Variants in RIPOR1 observed in about 807,000 individuals in gnomAD.
The protein encoded by RIPOR1 is RHO family interacting cell polarization regulator 1, also known as rho family-interacting cell polarization regulator 1.
A neutral mutation model predicts 116.5 loss-of-function variants in RIPOR1; 58 were observed. The observed-to-expected ratio is 0.50, with a 90% CI of 0.40 to 0.62. The LOEUF is 0.62. RIPOR1 is among the 20% of genes least tolerant of loss of function. The pLI, the probability that RIPOR1 is intolerant of heterozygous loss-of-function variation, is 0.00. For synonymous variants in RIPOR1, 605 were observed against 650.0 expected (o/e 0.93, Z 1.05); for missense variants, 1,372 against 1,586.2 (o/e 0.86, Z 2.29).
At position 67,545,703 on chromosome 16, in the gene RIPOR1, T is replaced by A. The variant is rs1312617026; in HGVS notation, c.3230T>A (p.Val1077Asp). Residue 1077 changes from valine (V) to aspartate (D), a missense_variant, in exon 19 of 22, where the codon GTT becomes GAT. By Grantham distance (152) the Val-to-Asp change is radical. Transcript: ENST00000042381. This position sits in a 1 kb window ranked among gnomAD's most constrained non-coding sequence, Gnocchi z 4.8. The stretch of plus-strand genomic sequence containing the variant: ...AATCTGAACTCGGATGATCAGGCTG[T>A]TGTGCTGAAGGCCCTGAGATTGGCG... ...VRNLNSDDQA[V>D]VLKALRLAPE... 1 of 1,587,010 alleles carries A rather than the reference T, an allele frequency of 6.3e-7. No homozygotes were observed. The highest frequency in any genetic ancestry group is 8.6e-7 in the Non-Finnish European group (1 of 1,166,976).
At position 67,546,738 on chromosome 16, in the gene RIPOR1, T is replaced by C. The variant is rs544939124; in HGVS notation, c.*275T>C. 26 of 536,892 alleles carry C rather than the reference T, an allele frequency of 4.8e-5. No individual in the cohort carries two copies. The South Asian group carries it at 5.5e-4, about 11-fold the overall frequency. 33.3% of individuals were successfully genotyped at this position (536,892 alleles called of 1,614,324 possible). A position where few individuals can be genotyped will look rare whatever the true frequency, so the allele number is the denominator to read the frequency against. On this transcript the variant is annotated 3_prime_UTR_variant, in exon 22 of 22. Transcript: ENST00000042381. ...CCAGCCACATCCCTTGGTTTTGTAT[T>C]TTATTTACAGAGTTTTACAGAAAAT...
rs1176547764 is a variant in RIPOR1 at position 67,545,177 on chromosome 16, G to T, written c.3031+60G>T. On this transcript the variant is annotated intron_variant, in intron 17 of 21. Transcript: ENST00000042381. The surrounding 1 kb of genome is among the most constrained non-coding windows in gnomAD (Gnocchi z 4.8). ...AGATTCCCAGTGACAGGAAGCTCGG[G>T]GAAGCCAGGTCAGCCCACACAGATA... The T allele has an allele frequency of 2.5e-6, 4 of 1,593,326 alleles. No homozygotes were observed. Among genetic ancestry groups the T allele is most frequent in the Non-Finnish European group, 3.4e-6 (4 of 1,170,802 alleles).
chr16:67,522,757 G>T (rs1163812545), intron 1 of RIPOR1, among the ~76,000 whole-genome samples: 1 of 151,610 alleles, frequency 6.6e-6, no homozygotes, highest in African/African-American at 2.4e-5. Flanking sequence ...TAGCCCACAT[G>T]GCTCAACTAC....
intron 6 of RIPOR1, 28 bp downstream of exon 6, chr16:67,539,927 G>C (rs574578281): frequency 6.2e-7 from 1 of 1,614,116 alleles, no homozygotes; most frequent in South Asian, 1.1e-5. Flanking sequence ...GTGCAGAGTG[G>C]GGTGGGGGGT....
chr16:67,527,901 A>AAAAC (rs994543796), upstream of RIPOR1, among the ~76,000 whole-genome samples: 12 of 151,644 alleles, frequency 7.9e-5, no homozygotes, highest in Non-Finnish European at 1.6e-4. Context: ...GCAAACAAGC[A>AAAAC]AAACACACAA....
At position 67,545,381 on chromosome 16, in the gene RIPOR1, G is replaced by A; in HGVS notation, c.3037G>A (p.Val1013Met). 1 of 1,613,858 alleles carries A rather than the reference G, an allele frequency of 6.2e-7. No homozygotes were observed. The highest frequency in any genetic ancestry group is 8.5e-7 in the Non-Finnish European group (1 of 1,179,926). Reference sequence around the variant, plus strand: ...CATGCTACTGCCTCCTGCAGTGTGTGTGAAGTTCCTGGAGGATGCCCTGGG... The same window carrying A: ...CATGCTACTGCCTCCTGCAGTGTGTATGAAGTTCCTGGAGGATGCCCTGGG... ...RQPGLAEAVC[V>M]KFLEDALGQK... Residue 1013 changes from valine to methionine, a missense_variant, in exon 18 of 22, where the codon GTG becomes ATG. By Grantham distance (21) the Val-to-Met change is conservative. Around this residue, in one of 3 missense-constraint regions of RIPOR1, gnomAD observed 1,005 missense variants for 1,144.7 expected, o/e 0.88. Coordinates refer to ENST00000042381, the MANE Select transcript of RIPOR1 (RefSeq NM_024519.4). The surrounding 1 kb of genome is among the most constrained non-coding windows in gnomAD (Gnocchi z 4.8).
chr16:67,532,999 G>A (rs1286713918), intron 1 of RIPOR1, among the ~76,000 whole-genome samples: 1 of 152,124 alleles, frequency 6.6e-6, no homozygotes, highest in Non-Finnish European at 1.5e-5. Flanking sequence ...CCTGAATTCT[G>A]GCTATAGGGG....
At chr16:67,524,901 C>T (rs1043329343), upstream of RIPOR1, among the ~76,000 whole-genome samples, 8 of 152,212 alleles carry the variant, frequency 5.3e-5, no homozygotes, top group African/African-American at 1.2e-4. Flanking sequence ...GCCTGAGTGA[C>T]GTTTGCAAAG....
rs770409702 is a variant in RIPOR1 at position 67,544,417 on chromosome 16, A to G, written c.2719A>G (p.Ser907Gly). The change falls in exon 15 of 22, where the codon AGT (serine) becomes GGT (glycine). Residue 907 changes from serine (S) to glycine (G), a missense_variant. Transcript: ENST00000042381. This position sits in a 1 kb window ranked among gnomAD's most constrained non-coding sequence, Gnocchi z 5.1. ...CTTGGTCCGGCACCTGTACCACTGC[A>G]GTCGCCTCCTGCTGGTGAGGCTGAT... ...AALVRHLYHC[S>G]RLLLKLGTFG... 1.2e-6 allele frequency: 2 copies of G among 1,610,750 alleles called. No individual in the cohort carries two copies. Among genetic ancestry groups the G allele is most frequent in the Admixed American group, 1.7e-5 (1 of 59,958 alleles).
Position 67,530,565 on chromosome 16 carries a change from A to C in RIPOR1, c.-24+1651A>C, listed in dbSNP as rs1321360146. On this transcript the variant is annotated intron_variant, in intron 1 of 21. Transcript: ENST00000042381. The surrounding 1 kb of genome is among the most constrained non-coding windows in gnomAD (Gnocchi z 4.5). ...GGCGGCCCCGGGGTGGGGCGGGGCT[A>C]GACCCGGGGACTCCCAGAGAGGCAG... Among the ~76,000 whole-genome samples, 2 of 152,164 alleles carry C rather than the reference A, an allele frequency of 1.3e-5. No individual in the cohort carries two copies. The highest frequency in any genetic ancestry group is 2.9e-5 in the Non-Finnish European group (2 of 68,012).
At chr16:67,527,701 C>A (rs577883539), upstream of RIPOR1, among the ~76,000 whole-genome samples, 1 of 152,168 alleles carries the variant, frequency 6.6e-6, no homozygotes, top group South Asian at 2.1e-4. Flanking sequence ...ATGGTGAAAC[C>A]CCATCTCTAC....
intron 6 of RIPOR1, 64 bp from the exon 7 acceptor site, chr16:67,539,989 T>TAGAGGTGAGTAACCCC (rs1160665923): frequency 6.2e-7 from 1 of 1,613,450 alleles, no homozygotes; most frequent in Non-Finnish European, 8.5e-7. Flanking sequence ...TGAGCAACCT[T>TAGAGGTGAGTAACCCC]AGAGGTGAGT....
chr16:67,539,025 A>C lies in RIPOR1; in HGVS notation c.293A>C (p.Lys98Thr), dbSNP rs752347460. ...GAAGTGCACCAGCAGGAGCAAGAGA[A>C]ACTCCAGGGGCAGATAAGGGAGTCC... ...YLEVHQQEQE[K>T]LQGQIRESKR... The change falls in exon 4 of 22, where the codon AAA becomes ACA. Residue 98 changes from lysine (K) to threonine (T), a missense_variant. Lys to Thr is a moderately conservative substitution (Grantham distance 78, BLOSUM62 -1). Around this residue, in one of 3 missense-constraint regions of RIPOR1, gnomAD observed 165 missense variants for 145.5 expected, o/e 1.13. Coordinates refer to ENST00000042381, the MANE Select transcript of RIPOR1 (RefSeq NM_024519.4). 6.2e-7 allele frequency: 1 copy of C among 1,613,610 alleles called. No homozygotes were observed. Among genetic ancestry groups the C allele is most frequent in the Non-Finnish European group, 8.5e-7 (1 of 1,179,886 alleles).
In RIPOR1 at chr16:67,537,435, G is replaced by A. The variant is rs2050822712; in HGVS notation, c.-23-989G>A. 3 of 1,242,512 alleles carry A rather than the reference G, an allele frequency of 2.4e-6. No individual in the cohort carries two copies. Among genetic ancestry groups the A allele is most frequent in the Non-Finnish European group, 3.0e-6 (3 of 992,586 alleles). The allele number at this position is 1,242,512 out of a possible 1,614,324, so 77.0% of individuals were successfully genotyped here. A position where few individuals can be genotyped will look rare whatever the true frequency, so the allele number is the denominator to read the frequency against. On this transcript the variant is annotated intron_variant, in intron 1 of 21. Coordinates refer to ENST00000042381, the MANE Select transcript of RIPOR1 (RefSeq NM_024519.4). The surrounding 1 kb of genome is among the most constrained non-coding windows in gnomAD (Gnocchi z 4.6). ...CGGGCTGAGTCAGGCGGCAGGAACT[G>A]GGCGGGGGGCGGCGCCGGGAGGAGC...
In RIPOR1 at chr16:67,529,803, C is replaced by G; in HGVS notation, c.-24+889C>G. The G allele has an allele frequency of 5.2e-6, 8 of 1,535,946 alleles. No individual in the cohort carries two copies. The highest frequency in any genetic ancestry group is 7.0e-6 in the Non-Finnish European group (8 of 1,146,892). On this transcript the variant is annotated intron_variant, in intron 1 of 21. Transcript: ENST00000042381. This position sits in a 1 kb window ranked among gnomAD's most constrained non-coding sequence, Gnocchi z 4.1. ...CTGGGCCTGCCGCATTCGGCCAACGCACAGCATCTGAGGAGGGTTATGACC... is the reference window on the plus strand; with the variant it reads ...CTGGGCCTGCCGCATTCGGCCAACGGACAGCATCTGAGGAGGGTTATGACC...
chr16:67,530,542 C>CG lies in RIPOR1; in HGVS notation c.-24+1630dup, dbSNP rs2142427545. On this transcript the variant is annotated intron_variant, in intron 1 of 21. Transcript: ENST00000042381. This position sits in a 1 kb window ranked among gnomAD's most constrained non-coding sequence, Gnocchi z 4.5. ...TAGCCTCTGTTTACCTCGGTCGGGG[C>CG]GGCCCCGGGGTGGGGCGGGGCTAGA... Among the ~76,000 whole-genome samples the CG allele has an allele frequency of 1.3e-5, 2 of 152,326 alleles. No individual in the cohort carries two copies. The highest frequency in any genetic ancestry group is 4.8e-5 in the African/African-American group (2 of 41,578).
Position 67,541,494 on chromosome 16 carries a change from A to T in RIPOR1, c.866A>T (p.Asp289Val), listed in dbSNP as rs963974416. ...VVGSVSCETK[D>V]LFAALPQVVA... is the part of the protein sequence containing the mutation. ...GGCAGTGTCTCCTGTGAGACCAAGG[A>T]CCTGTTTGCCGCCCTGCCCCAGGTT... is the stretch of plus-strand genomic sequence containing the variant. Residue 289 changes from aspartate to valine, a missense_variant, in exon 11 of 22, where the codon GAC (aspartate) becomes GTC (valine). By Grantham distance (152) the Asp-to-Val change is radical. Around this residue, in one of 3 missense-constraint regions of RIPOR1, gnomAD observed 202 missense variants for 295.9 expected, o/e 0.68. Coordinates refer to ENST00000042381, the MANE Select transcript of RIPOR1 (RefSeq NM_024519.4). The surrounding 1 kb of genome is among the most constrained non-coding windows in gnomAD (Gnocchi z 4.6). 6.2e-7 allele frequency: 1 copy of T among 1,614,014 alleles called. No homozygotes were observed. Among genetic ancestry groups the T allele is most frequent in the Middle Eastern group, 1.6e-4 (1 of 6,062 alleles).
chr16:67,538,857 G>A (rs1184581442), intron 3 of RIPOR1, 33 bp downstream of exon 3: 2 of 1,610,598 alleles, frequency 1.2e-6, no homozygotes, highest in Admixed American at 3.4e-5. Flanking sequence ...GCCCTGTCCC[G>A]GGATCCCTCC....
chr16:67,545,907 C>T lies in RIPOR1; in HGVS notation c.3388-42C>T, dbSNP rs779217716. ...TGAGGGCGAGGGCTGGGGTCCTGGA[C>T]TCCCACTGTCTGGCTAAGTCTGTCC... On this transcript the variant is annotated intron_variant, in intron 19 of 21. Transcript: ENST00000042381. The surrounding 1 kb of genome is among the most constrained non-coding windows in gnomAD (Gnocchi z 4.8). 1.9e-6 allele frequency: 3 copies of T among 1,612,950 alleles called. No homozygotes were observed. Among genetic ancestry groups the T allele is most frequent in the Admixed American group, 3.3e-5 (2 of 59,948 alleles).
Sources: gnomAD v4.1 joint callset for allele counts (sites outside exome capture counted in the v4.1 genomes callset) on GRCh38, gnomAD v4.1.1 for gene constraint, gnomAD v4.1.1 regional missense constraint, Gnocchi (gnomAD v3.1) non-coding constraint, MANE v1.5 for transcripts, NCBI Gene and HGNC (gene_info 2026-07-23, HGNC 2026-07-21) for gene names.